Variants in CNTNAP2 observed in about 807,000 individuals in gnomAD.
The protein encoded by CNTNAP2 is contactin-associated protein-like 2.
CNTNAP2 carries 98 observed loss-of-function variants against 155.2 expected under a neutral mutation model. The observed-to-expected ratio is 0.63, with a 90% CI of 0.54 to 0.75. The LOEUF (loss-of-function observed/expected upper bound fraction) is 0.75, where lower values mean the gene tolerates loss of function less well. CNTNAP2 is among the 30% of genes least tolerant of loss of function. The pLI is 0.00. For missense variants in CNTNAP2, 1,727 were observed against 1,688.1 expected (o/e 1.02, Z -0.40); for synonymous variants, 651 against 631.2 (o/e 1.03, Z -0.47).
At chr7:148,231,864 A>G (rs575842473) in intron 20 of CNTNAP2, among the ~76,000 whole-genome samples, 1 of 152,276 alleles carries the variant, frequency 6.6e-6, no homozygotes, top group African/African-American at 2.4e-5. Flanking sequence ...AAAGAACAGA[A>G]TGCAGTTCCA....
intron 11 of CNTNAP2, among the ~76,000 whole-genome samples, chr7:147,549,035 G>A (rs566412021): frequency 4.9e-4 from 75 of 152,272 alleles, no homozygotes; most frequent in Non-Finnish European, 8.2e-4. Flanking sequence ...AAGTCAGATA[G>A]CATGATGCCT....
intron 3 of CNTNAP2, among the ~76,000 whole-genome samples, chr7:146,911,894 C>T (rs1796291406): frequency 2.6e-5 from 4 of 152,070 alleles, no homozygotes. Flanking sequence ...TTTCAAGTAT[C>T]TCAAACACAC....
At chr7:146,896,482 T>C (rs1795880226) in intron 3 of CNTNAP2, among the ~76,000 whole-genome samples, 1 of 152,094 alleles carries the variant, frequency 6.6e-6, no homozygotes, top group Admixed American at 6.6e-5. Flanking sequence ...TTATAATAAC[T>C]ATTTTTTAAA....
chr7:147,066,532 TA>T (rs1799782325), intron 4 of CNTNAP2, among the ~76,000 whole-genome samples: 1 of 152,228 alleles, frequency 6.6e-6, no homozygotes, highest in African/African-American at 2.4e-5. Context: ...AAATTCTATT[TA>T]AGCCTTACAG....
intron 4 of CNTNAP2, among the ~76,000 whole-genome samples, chr7:147,068,597 T>A (rs1399266330): frequency 6.6e-6 from 1 of 152,138 alleles, no homozygotes; most frequent in Non-Finnish European, 1.5e-5. Context: ...GGACTCGTGA[T>A]CCGCCAACCT....
At chr7:146,364,601 A>G (rs1272531461) in intron 1 of CNTNAP2, among the ~76,000 whole-genome samples, 1 of 152,194 alleles carries the variant, frequency 6.6e-6, no homozygotes, top group Non-Finnish European at 1.5e-5. Flanking sequence ...TTTTCAAGAG[A>G]GAAAAAAATA....
At chr7:147,277,017 C>T (rs190669328) in intron 8 of CNTNAP2, among the ~76,000 whole-genome samples, 57 of 152,094 alleles carry the variant, frequency 3.7e-4, no homozygotes, top group Non-Finnish European at 4.4e-4. Context: ...GACAAAGCCA[C>T]GGTGCCTCCA....
At chr7:147,891,298 G>A (rs927657879) in intron 13 of CNTNAP2, among the ~76,000 whole-genome samples, 5 of 151,808 alleles carry the variant, frequency 3.3e-5, no homozygotes, top group South Asian at 2.1e-4. Context: ...TCTGCCTCCC[G>A]GGTTCAAGCG....
chr7:146,202,920 T>C (rs777516892), intron 1 of CNTNAP2, among the ~76,000 whole-genome samples: 103 of 152,346 alleles, frequency 6.8e-4, no homozygotes, highest in Admixed American at 7.2e-4. Flanking sequence ...ATAAGCATAT[T>C]TTGATGTGTA....
intron 13 of CNTNAP2, among the ~76,000 whole-genome samples, chr7:147,882,407 T>C (rs943332456): frequency 1.3e-5 from 2 of 152,058 alleles, no homozygotes; most frequent in African/African-American, 4.8e-5. Context: ...TTCTCTGGGG[T>C]CCACTGTCAA....
At chr7:146,966,436 A>G (rs1797658405) in intron 3 of CNTNAP2, among the ~76,000 whole-genome samples, 1 of 152,238 alleles carries the variant, frequency 6.6e-6, no homozygotes, top group African/African-American at 2.4e-5. Flanking sequence ...GGCTGTGCCC[A>G]GAACCAGCTG....
intron 15 of CNTNAP2, among the ~76,000 whole-genome samples, chr7:148,012,605 A>G (rs1360682886): frequency 6.6e-6 from 1 of 152,226 alleles, no homozygotes; most frequent in Non-Finnish European, 1.5e-5. Flanking sequence ...GTTGAAGACT[A>G]TTTTCTGAAT....
chr7:148,227,884 CGTGTGT>C (rs3057282), intron 19 of CNTNAP2, among the ~76,000 whole-genome samples: 10,992 of 131,366 alleles, frequency 0.084, 446 homozygotes, highest in Middle Eastern at 0.098. Context: ...AAGAGCACAG[CGTGTGT>C]GTGTGTGTGT....
At chr7:146,470,491 T>G (rs1796781495) in intron 1 of CNTNAP2, among the ~76,000 whole-genome samples, 1 of 152,210 alleles carries the variant, frequency 6.6e-6, no homozygotes, top group African/African-American at 2.4e-5. Context: ...AGATATTGCC[T>G]CTTCTTTCCT....
At chr7:146,699,097 CAA>C (rs1800832535) in intron 1 of CNTNAP2, among the ~76,000 whole-genome samples, 1 of 152,022 alleles carries the variant, frequency 6.6e-6, no homozygotes, top group Admixed American at 6.6e-5. Flanking sequence ...TCAATAATTG[CAA>C]AGTTTCTGCT....
intron 21 of CNTNAP2, among the ~76,000 whole-genome samples, chr7:148,323,294 CTTTTTTTTTTTT>C (rs60109355): frequency 1.8e-4 from 9 of 49,464 alleles, no homozygotes; most frequent in Non-Finnish European, 2.7e-4. Flanking sequence ...TTATGGATTT[CTTTTTTTTTTTT>C]TTTTTTTTTT....
chr7:147,004,988 A>G (rs11974101), intron 3 of CNTNAP2, among the ~76,000 whole-genome samples: 1 of 152,094 alleles, frequency 6.6e-6, no homozygotes, highest in South Asian at 2.1e-4. Context: ...TAAATAATAC[A>G]GTGACTTATT....
intron 8 of CNTNAP2, among the ~76,000 whole-genome samples, chr7:147,133,247 G>T (rs1398963411): frequency 1.3e-5 from 2 of 152,026 alleles, no homozygotes; most frequent in Admixed American, 6.6e-5. Flanking sequence ...CTCAATATTG[G>T]ACTGATAAAT....
intron 20 of CNTNAP2, among the ~76,000 whole-genome samples, chr7:148,236,949 C>T (rs1796050660): frequency 6.6e-6 from 1 of 152,238 alleles, no homozygotes; most frequent in African/African-American, 2.4e-5. Flanking sequence ...GCTCTGCTTC[C>T]ATGATCCCAT....
Sources: allele counts gnomAD v4.1 joint callset (sites outside exome capture counted in the v4.1 genomes callset), GRCh38; gene constraint gnomAD v4.1.1; transcripts MANE v1.5; gene names NCBI Gene and HGNC (gene_info 2026-07-23, HGNC 2026-07-21).